The following FAT3 variants were observed in gnomAD, a reference collection of about 807,000 sequenced individuals.
FAT3 encodes protocadherin Fat 3.
Under a neutral mutation model 310.2 loss-of-function variants are expected in FAT3, and 95 were observed. That is an observed-to-expected ratio of 0.31 (90% CI 0.26 to 0.36). The LOEUF (loss-of-function observed/expected upper bound fraction) is 0.36. Ranked by LOEUF, FAT3 falls within the 10% of genes least tolerant of loss-of-function variation. The pLI is 1.00. For missense variants in FAT3, 5,408 were observed against 5,715.6 expected (o/e 0.95, Z 1.74); for synonymous variants, 2,314 against 2,192.9 (o/e 1.06, Z -1.54).
At chr11:92,632,940 A>G (rs148125114) in intron 3 of FAT3, among the ~76,000 whole-genome samples, 2,040 of 152,310 alleles carry the variant, frequency 0.013, 26 homozygotes, top group Middle Eastern at 0.048. Flanking sequence ...CTCATGTGCT[A>G]TGGAACATTG....
At chr11:92,736,735 T>C (rs577007832) in intron 4 of FAT3, among the ~76,000 whole-genome samples, 3 of 152,298 alleles carry the variant, frequency 2.0e-5, no homozygotes, top group African/African-American at 7.2e-5. Flanking sequence ...ACACCTATAC[T>C]CTTTTGAAAA....
intron 1 of FAT3, among the ~76,000 whole-genome samples, chr11:92,308,874 C>G (rs1193350839): frequency 6.6e-6 from 1 of 152,046 alleles, no homozygotes; most frequent in Non-Finnish European, 1.5e-5. Context: ...AATAGCAGAC[C>G]CAGTTTCCAG....
intron 2 of FAT3, among the ~76,000 whole-genome samples, chr11:92,412,950 A>G (rs896575284): frequency 1.3e-5 from 2 of 151,550 alleles, no homozygotes; most frequent in African/African-American, 4.8e-5. Flanking sequence ...CATCATAGTC[A>G]TCCAACTCCT....
intron 2 of FAT3, among the ~76,000 whole-genome samples, chr11:92,419,519 A>G (rs1340675491): frequency 6.6e-6 from 1 of 152,194 alleles, no homozygotes; most frequent in Non-Finnish European, 1.5e-5. Context: ...TCCCATGAAG[A>G]CTAATTGGAA....
intron 1 of FAT3, among the ~76,000 whole-genome samples, chr11:92,314,949 G>T (rs1218379540): frequency 6.6e-6 from 1 of 152,022 alleles, no homozygotes; most frequent in East Asian, 1.9e-4. Context: ...TGTGTAGCAT[G>T]GTGCCTTGGG....
intron 1 of FAT3, among the ~76,000 whole-genome samples, chr11:92,340,705 G>C (rs1236793825): frequency 6.6e-6 from 1 of 152,190 alleles, no homozygotes; most frequent in Non-Finnish European, 1.5e-5. Flanking sequence ...TTGACCTGTT[G>C]TTAGGAATAT....
chr11:92,306,324 T>TG (rs1053984357), intron 1 of FAT3, among the ~76,000 whole-genome samples: 3 of 150,864 alleles, frequency 2.0e-5, no homozygotes, highest in African/African-American at 4.9e-5. Flanking sequence ...TGTGGAATAC[T>TG]GGGGGTGCTC....
chr11:92,598,909 T>C (rs1767057570), intron 3 of FAT3, among the ~76,000 whole-genome samples: 1 of 152,192 alleles, frequency 6.6e-6, no homozygotes, highest in Admixed American at 6.5e-5. Context: ...GCACAGATCC[T>C]AGTGCAAAAA....
chr11:92,303,136 C>A (rs149759003), intron 1 of FAT3, among the ~76,000 whole-genome samples: 1 of 152,142 alleles, frequency 6.6e-6, no homozygotes, highest in East Asian at 1.9e-4. Context: ...GGGTTGAAAG[C>A]CTCTGTACAA....
In FAT3 at chr11:92,806,494, T is replaced by C. The variant is rs1947510888; in HGVS notation, c.9226T>C (p.Phe3076Leu). 1 of 1,548,766 alleles carries C rather than the reference T, an allele frequency of 6.5e-7. No homozygotes were observed. Among genetic ancestry groups the C allele is most frequent in the African/African-American group, 1.4e-5 (1 of 73,756 alleles). ...YSLYGSGNSEFFLDPESGELK... is the reference protein window; with the variant it reads ...YSLYGSGNSELFLDPESGELK... Reference sequence around the variant, plus strand: ...ACTCTATGGATCTGGAAACAGTGAATTTTTTCTAGATCCAGAAAGTGGTAA... The same window carrying C: ...ACTCTATGGATCTGGAAACAGTGAACTTTTTCTAGATCCAGAAAGTGGTAA... Residue 3076 changes from phenylalanine to leucine, a missense_variant, in exon 12 of 28, where the codon TTT becomes CTT. Coordinates refer to ENST00000525166, the MANE Select transcript of FAT3 (RefSeq NM_001367949.2).
chr11:92,744,234 A>G (rs1945587176), intron 4 of FAT3, among the ~76,000 whole-genome samples: 2 of 152,178 alleles, frequency 1.3e-5, no homozygotes, highest in South Asian at 4.1e-4. Flanking sequence ...TTCTAAAACT[A>G]TACTATCTGA....
intron 2 of FAT3, among the ~76,000 whole-genome samples, chr11:92,477,387 C>T (rs1232777362): frequency 6.6e-6 from 1 of 152,168 alleles, no homozygotes; most frequent in Non-Finnish European, 1.5e-5. Context: ...GTAATAGGTA[C>T]AAAATGATAT....
At chr11:92,342,039 G>A (rs553555373) in intron 1 of FAT3, among the ~76,000 whole-genome samples, 22 of 152,056 alleles carry the variant, frequency 1.4e-4, no homozygotes, top group African/African-American at 2.4e-4. Context: ...CTTGGGGGAC[G>A]TTTAGCCAAA....
intron 3 of FAT3, among the ~76,000 whole-genome samples, chr11:92,656,923 C>G (rs1403998050): frequency 1.1e-4 from 16 of 152,026 alleles, no homozygotes; most frequent in Admixed American, 9.2e-4. Flanking sequence ...CTTCCCACCC[C>G]CTAAACACCT....
At chr11:92,248,060 A>G (rs1864993852) in intron 1 of FAT3, among the ~76,000 whole-genome samples, 1 of 152,162 alleles carries the variant, frequency 6.6e-6, no homozygotes, top group Non-Finnish European at 1.5e-5. Context: ...AAGTATTTAA[A>G]AGAAATGATT....
In FAT3 at chr11:92,763,815, A is replaced by T. The variant is rs1221474874; in HGVS notation, c.3985-1064A>T. On this transcript the variant is annotated intron_variant, in intron 5 of 27. Coordinates refer to ENST00000525166, the MANE Select transcript of FAT3 (RefSeq NM_001367949.2). Reference sequence around the variant, plus strand: ...TTCCCCACCAAAAAAAACCATTTGTACTCAAATGCCTGTCTTAGCTCCTGG... The same window carrying T: ...TTCCCCACCAAAAAAAACCATTTGTTCTCAAATGCCTGTCTTAGCTCCTGG... 4.6e-5 allele frequency among the ~76,000 whole-genome samples: 7 copies of T among 152,078 alleles called. No individual in the cohort carries two copies. In the East Asian group the frequency reaches 1.4e-3, roughly 30 times the overall value.
chr11:92,790,299 G>A, intron 8 of FAT3, 81 bp downstream of exon 8: 2 of 1,411,932 alleles, frequency 1.4e-6, no homozygotes, highest in Non-Finnish European at 1.9e-6. Flanking sequence ...GAAGTATAGG[G>A]CCCCTAAATT....
At chr11:92,700,249 T>A (rs1944058501) in intron 4 of FAT3, among the ~76,000 whole-genome samples, 1 of 152,000 alleles carries the variant, frequency 6.6e-6, no homozygotes, top group South Asian at 2.1e-4. Context: ...AAGACCACTG[T>A]GATGAAGAGT....
chr11:92,866,187 A>G (rs1258608339), intron 21 of FAT3, among the ~76,000 whole-genome samples: 3 of 152,192 alleles, frequency 2.0e-5, no homozygotes, highest in Admixed American at 1.3e-4. Flanking sequence ...CACTCATATA[A>G]ATGTATTCAA....
Sources: allele counts gnomAD v4.1 joint callset (sites outside exome capture counted in the v4.1 genomes callset), GRCh38; gene constraint gnomAD v4.1.1; transcripts MANE v1.5; gene names NCBI Gene and HGNC (gene_info 2026-07-23, HGNC 2026-07-21).